TUNAR: variants seen among roughly 807,000 people sequenced by gnomAD.
TUNAR encodes the protein transmembrane neural differentiation associated intracellular calcium regulator.
chr14:95,888,420 C>T (rs1478707946), intron 2 of TUNAR, among the ~76,000 whole-genome samples: 1 of 152,116 alleles, frequency 6.6e-6, no homozygotes, highest in Non-Finnish European at 1.5e-5. Flanking sequence ...CATGAATAAT[C>T]ATTTATTTTG....
At chr14:95,892,771 C>T (rs1170416008) in intron 2 of TUNAR, among the ~76,000 whole-genome samples, 1 of 152,200 alleles carries the variant, frequency 6.6e-6, no homozygotes, top group Non-Finnish European at 1.5e-5. Context: ...TGCAGGGCTG[C>T]TGTGGGGTTC....
At chr14:95,917,385 A>G (rs185448776) in intron 2 of TUNAR, among the ~76,000 whole-genome samples, 114 of 152,322 alleles carry the variant, frequency 7.5e-4, no homozygotes, top group African/African-American at 2.6e-3. Context: ...TAAGGCTTGT[A>G]TAAGCCTTAG....
chr14:95,903,650 G>A (rs1595121458), intron 2 of TUNAR, among the ~76,000 whole-genome samples: 3 of 152,202 alleles, frequency 2.0e-5, no homozygotes, highest in African/African-American at 7.2e-5. Flanking sequence ...CTATTGCTGT[G>A]TTACAAGCCA....
intron 2 of TUNAR, among the ~76,000 whole-genome samples, chr14:95,915,408 C>G (rs1889586170): frequency 6.6e-6 from 1 of 152,180 alleles, no homozygotes; most frequent in African/African-American, 2.4e-5. Context: ...TAGGATGAGT[C>G]AGTGTTTACA....
chr14:95,920,980 C>T (rs539546550), intron 2 of TUNAR, among the ~76,000 whole-genome samples: 66 of 152,322 alleles, frequency 4.3e-4, no homozygotes, highest in Middle Eastern at 3.4e-3. Context: ...GTGGTTCCAT[C>T]TGAAGCCCTG....
chr14:95,911,239 C>G (rs1378240663), intron 2 of TUNAR, among the ~76,000 whole-genome samples: 3 of 152,206 alleles, frequency 2.0e-5, no homozygotes, highest in Non-Finnish European at 4.4e-5. Context: ...TCCACATTTT[C>G]TTCACATCTG....
At position 95,876,818 on chromosome 14, in the gene TUNAR, C is replaced by T. The variant is rs1888888754; in HGVS notation, c.-306-42C>T. The T allele has an allele frequency of 6.6e-6, 1 of 152,194 alleles. No individual in the cohort carries two copies. The highest frequency in any genetic ancestry group is 1.5e-5 in the Non-Finnish European group (1 of 68,076). 9.4% of individuals were successfully genotyped at this position (152,194 alleles called of 1,614,324 possible). ...CGCGGGGTGCAGCTCTGCGCGTTCT[C>T]ATGCTGTCTCTCTCTCTTTCCCTCC... On this transcript the variant is annotated intron_variant, in intron 1 of 2. Coordinates refer to ENST00000678517, the Ensembl canonical transcript of TUNAR.
At chr14:95,910,981 T>G (rs1198202788) in intron 2 of TUNAR, among the ~76,000 whole-genome samples, 1 of 152,188 alleles carries the variant, frequency 6.6e-6, no homozygotes, top group African/African-American at 2.4e-5. Context: ...CCAAGTGAGT[T>G]TCAAAAATTT....
At chr14:95,889,959 C>CAAAAAA (rs535897006) in intron 2 of TUNAR, among the ~76,000 whole-genome samples, 2 of 92,188 alleles carry the variant, frequency 2.2e-5, no homozygotes, top group Non-Finnish European at 2.3e-5. Flanking sequence ...GACACAAAGA[C>CAAAAAA]AAAAAAAAAA....
intron 2 of TUNAR, among the ~76,000 whole-genome samples, chr14:95,921,244 A>G (rs943367535): frequency 3.3e-5 from 5 of 152,214 alleles, no homozygotes; most frequent in African/African-American, 1.2e-4. Context: ...ATGACCAGCT[A>G]TCTGGGCGTG....
At chr14:95,904,256 C>CT (rs1175656623) in intron 2 of TUNAR, among the ~76,000 whole-genome samples, 2 of 152,114 alleles carry the variant, frequency 1.3e-5, no homozygotes, top group African/African-American at 4.8e-5. Flanking sequence ...GGGTGGTTGG[C>CT]TTAGACTAGA....
intron 2 of TUNAR, among the ~76,000 whole-genome samples, chr14:95,890,060 G>C (rs1566786236): frequency 6.6e-6 from 1 of 151,880 alleles, no homozygotes; most frequent in East Asian, 1.9e-4. Context: ...GAAGGCAGTG[G>C]CTATTCACAG....
chr14:95,902,533 A>G (rs1889370572), intron 2 of TUNAR, among the ~76,000 whole-genome samples: 1 of 152,240 alleles, frequency 6.6e-6, no homozygotes, highest in Non-Finnish European at 1.5e-5. Flanking sequence ...CACAGCTAGC[A>G]TGGCCAAGCC....
At chr14:95,894,304 C>G (rs1043835243) in intron 2 of TUNAR, among the ~76,000 whole-genome samples, 1 of 152,220 alleles carries the variant, frequency 6.6e-6, no homozygotes, top group Admixed American at 6.5e-5. Flanking sequence ...TTAACGAGCT[C>G]TCATTGAACA....
chr14:95,882,785 A>G (rs767671338), intron 2 of TUNAR, among the ~76,000 whole-genome samples: 7 of 152,206 alleles, frequency 4.6e-5, no homozygotes, highest in Non-Finnish European at 7.3e-5. Context: ...CTCCGCCTCT[A>G]TCTGCTAATA....
At chr14:95,914,783 G>A (rs1269927773) in intron 2 of TUNAR, among the ~76,000 whole-genome samples, 3 of 152,164 alleles carry the variant, frequency 2.0e-5, no homozygotes, top group East Asian at 3.8e-4. Flanking sequence ...CTACTTTATA[G>A]GTGAGGAAAC....
chr14:95,898,009 G>T (rs1889292006), intron 2 of TUNAR, among the ~76,000 whole-genome samples: 1 of 152,028 alleles, frequency 6.6e-6, no homozygotes, highest in African/African-American at 2.4e-5. Context: ...TCTACCCAGG[G>T]TACTGCATCC....
At chr14:95,912,887 T>C (rs1489376106) in intron 2 of TUNAR, among the ~76,000 whole-genome samples, 2 of 152,256 alleles carry the variant, frequency 1.3e-5, no homozygotes, top group African/African-American at 2.4e-5. Flanking sequence ...ATCTCCCAGG[T>C]TGACGCCATT....
chr14:95,924,504 A>G (rs1235539778), exon 3 of TUNAR: 1 of 152,362 alleles, frequency 6.6e-6, no homozygotes, highest in Non-Finnish European at 1.5e-5. Flanking sequence ...ACACTGCTGA[A>G]AAAGACATCC....
Sources: allele counts gnomAD v4.1 joint callset (sites outside exome capture counted in the v4.1 genomes callset), GRCh38; gene constraint gnomAD v4.1.1; transcripts MANE v1.5; gene names NCBI Gene and HGNC (gene_info 2026-07-23, HGNC 2026-07-21).